The following CR2 variants were observed in gnomAD, a reference collection of about 807,000 sequenced individuals.
The protein encoded by CR2 is complement receptor type 2.
CR2 carries 96 observed loss-of-function variants against 123.0 expected under a neutral mutation model. The ratio of observed to expected loss-of-function variants is 0.78; its 90% confidence interval spans 0.66 to 0.93. The LOEUF (loss-of-function observed/expected upper bound fraction) is 0.93. CR2 is among the 40% of genes least tolerant of loss of function. The pLI, the probability that CR2 is intolerant of heterozygous loss-of-function variation, is 0.00. For missense variants in CR2, 1,258 were observed against 1,361.0 expected, an observed-to-expected ratio of 0.92 and a Z score of 1.19; for synonymous variants, 484 against 469.5, an observed-to-expected ratio of 1.03 and a Z score of -0.40.
chr1:207,479,352 A>G lies in CR2; in HGVS notation c.3112+72A>G, dbSNP rs112684245. The G allele has an allele frequency of 9.4e-5, 98 of 1,047,474 alleles. 2 individuals carry two copies. Among genetic ancestry groups the G allele is most frequent in the African/African-American group, 7.5e-4 (47 of 62,864 alleles). 64.9% of individuals were successfully genotyped at this position (1,047,474 alleles called of 1,614,324 possible). A position where few individuals can be genotyped will look rare whatever the true frequency, so the allele number is the denominator to read the frequency against. ...AAAAATATGTAATGCTAGAGGTCCT[A>G]TATCCTATCTGATGATATATTTAAC... On this transcript the variant is annotated intron_variant, in intron 17 of 19. Transcript: ENST00000367057.
In CR2 at chr1:207,454,364, G is replaced by A. The variant is rs1657772785; in HGVS notation, c.-55G>A. The A allele has an allele frequency of 2.0e-6, 3 of 1,495,166 alleles. No homozygotes were observed. The highest frequency in any genetic ancestry group is 2.7e-6 in the Non-Finnish European group (3 of 1,106,066). The allele number at this position is 1,495,166 out of a possible 1,614,324, so 92.6% of individuals were successfully genotyped here. A position where few individuals can be genotyped will look rare whatever the true frequency, so the allele number is the denominator to read the frequency against. ...GCTCCAGCCTTGCCCTCCCAGAGCTGCCGGACGCTCGCGGGTCTCGGAACG... is the reference window on the plus strand; with the variant it reads ...GCTCCAGCCTTGCCCTCCCAGAGCTACCGGACGCTCGCGGGTCTCGGAACG... On this transcript the variant is annotated 5_prime_UTR_variant, in exon 1 of 20. Coordinates refer to ENST00000367057, the MANE Select transcript of CR2 (RefSeq NM_001006658.3). The surrounding 1 kb of genome is among the most constrained non-coding windows in gnomAD (Gnocchi z 4.3).
rs905410032 is a variant in CR2, at chr1:207,473,739, G to A, written c.2155+18G>A. ...GTGTGAAGGTACTTTAAGTTCCAGA[G>A]TTGTCCTTCTCTTTGATATGAGACA... On this transcript the variant is annotated intron_variant, in intron 11 of 19. Transcript: ENST00000367057. 6.2e-7 allele frequency: 1 copy of A among 1,613,972 alleles called. No individual in the cohort carries two copies. Among genetic ancestry groups the A allele is most frequent in the African/African-American group, 1.3e-5 (1 of 75,036 alleles).
In CR2 at chr1:207,468,791, G is replaced by C. The variant is rs772252200; in HGVS notation, c.635-9G>C. ...GCCATGCATTTCTCATCTTTGGTTT[G>C]TTTTTTAGAGGCACGCTGTAAATCT... On this transcript the variant is annotated splice_polypyrimidine_tract_variant and intron_variant, in intron 3 of 19. Coordinates refer to ENST00000367057, the MANE Select transcript of CR2 (RefSeq NM_001006658.3). 1.9e-6 allele frequency: 3 copies of C among 1,613,988 alleles called. No individual in the cohort carries two copies. Among genetic ancestry groups the C allele is most frequent in the Non-Finnish European group, 2.5e-6 (3 of 1,179,910 alleles).
rs115333561 is a variant in CR2 at position 207,466,983 on chromosome 1, C to T, written c.445+71C>T. ...TTCTGTGCAGACCACGTTTTGTACC[C>T]TCCTGAAGGACAAACAGTGTGAACA... On this transcript the variant is annotated intron_variant, in intron 2 of 19. Coordinates refer to ENST00000367057, the MANE Select transcript of CR2 (RefSeq NM_001006658.3). The T allele has an allele frequency of 5.2e-5, 77 of 1,490,996 alleles. No homozygotes were observed. In the African/African-American group the frequency reaches 1.0e-3, roughly 19 times the overall value. The allele number at this position is 1,490,996 out of a possible 1,614,324, so 92.4% of individuals were successfully genotyped here. A position where few individuals can be genotyped will look rare whatever the true frequency, so the allele number is the denominator to read the frequency against.
intron 1 of CR2, among the ~76,000 whole-genome samples, chr1:207,459,423 G>A (rs1056899116): frequency 1.3e-5 from 2 of 151,878 alleles, no homozygotes; most frequent in African/African-American, 4.8e-5. Flanking sequence ...CAGTATTAAG[G>A]TATTTGATTA....
chr1:207,478,246 AG>A (rs1658497669), intron 16 of CR2, among the ~76,000 whole-genome samples, 176 bp downstream of exon 16: 1 of 152,122 alleles, frequency 6.6e-6, no homozygotes, highest in Admixed American at 6.6e-5. Context: ...CAGCTTGGCC[AG>A]GTCCGTGACT....
intron 10 of CR2, 78 bp from the exon 11 acceptor site, chr1:207,473,467 G>T (rs1219885438): frequency 7.0e-7 from 1 of 1,425,736 alleles, no homozygotes; most frequent in African/African-American, 1.4e-5. Context: ...CAGACTGTCT[G>T]TCCAATGTTG....
chr1:207,478,091 C>T (rs201111875), intron 16 of CR2, 21 bp downstream of exon 16: 197 of 1,610,130 alleles, frequency 1.2e-4, no homozygotes, highest in Non-Finnish European at 3.7e-5. Flanking sequence ...AGGGCTTCAC[C>T]GCCGCTTGTA....
intron 1 of CR2, among the ~76,000 whole-genome samples, chr1:207,456,515 T>C (rs1657839174): frequency 6.6e-6 from 1 of 152,240 alleles, no homozygotes; most frequent in South Asian, 2.1e-4. Flanking sequence ...GCAAAGTCAA[T>C]GGAAGCAAAT....
At chr1:207,487,877 A>C (rs1166710894) in intron 19 of CR2, among the ~76,000 whole-genome samples, 6 of 152,208 alleles carry the variant, frequency 3.9e-5, no homozygotes, top group Admixed American at 3.3e-4. Flanking sequence ...TGTGATGGGG[A>C]GTGAACGTGT....
intron 2 of CR2, among the ~76,000 whole-genome samples, chr1:207,467,501 G>A (rs899179380): frequency 3.3e-5 from 5 of 152,022 alleles, no homozygotes; most frequent in Admixed American, 3.3e-4. Flanking sequence ...TTATGTTGCT[G>A]CTGAAATATA....
chr1:207,454,670 G>A lies in CR2; in HGVS notation c.58+194G>A. ...ATTGTCCCCACTGGCCCCTCCGGGA[G>A]CTGGGACCTCCAGAATTGGAGGCTG... On this transcript the variant is annotated intron_variant, in intron 1 of 19. Transcript: ENST00000367057. The surrounding 1 kb of genome is among the most constrained non-coding windows in gnomAD (Gnocchi z 4.3). 1.9e-6 allele frequency: 1 copy of A among 521,552 alleles called. No homozygotes were observed. The highest frequency in any genetic ancestry group is 2.5e-5 in the South Asian group (1 of 40,022). The allele number at this position is 521,552 out of a possible 1,614,324, so 32.3% of individuals were successfully genotyped here.
intron 19 of CR2, among the ~76,000 whole-genome samples, chr1:207,487,070 T>A (rs2102316440): frequency 6.6e-6 from 1 of 152,284 alleles, no homozygotes; most frequent in Non-Finnish European, 1.5e-5. Context: ...AAGGTCCAAG[T>A]ACTGAGCCCT....
chr1:207,464,260 C>T (rs1048974436), intron 1 of CR2, among the ~76,000 whole-genome samples: 4 of 152,156 alleles, frequency 2.6e-5, no homozygotes, highest in Non-Finnish European at 5.9e-5. Flanking sequence ...TCTTTGAGAT[C>T]AGGATACAGA....
At chr1:207,471,144 G>T (rs145359041) in intron 8 of CR2, 57 bp downstream of exon 8, 22 of 1,530,148 alleles carry the variant, frequency 1.4e-5, no homozygotes, top group African/African-American at 5.5e-5. Flanking sequence ...CACACTGCAG[G>T]CTCTATGTAA....
intron 19 of CR2, among the ~76,000 whole-genome samples, chr1:207,487,822 A>G (rs1297656902): frequency 1.3e-5 from 2 of 152,162 alleles, no homozygotes; most frequent in African/African-American, 2.4e-5. Flanking sequence ...TAGTAACAGG[A>G]GGGAGGGCAG....
chr1:207,485,195 G>A (rs1658715595), intron 18 of CR2, among the ~76,000 whole-genome samples: 1 of 152,208 alleles, frequency 6.6e-6, no homozygotes, highest in Non-Finnish European at 1.5e-5. Flanking sequence ...CACAGGGTTG[G>A]GGGTTAGGGG....
At chr1:207,464,702 A>G (rs2102299269) in intron 1 of CR2, among the ~76,000 whole-genome samples, 1 of 152,264 alleles carries the variant, frequency 6.6e-6, no homozygotes, top group Admixed American at 6.5e-5. Flanking sequence ...GCTTGGTTTT[A>G]CCCTGAAAGG....
intron 19 of CR2, among the ~76,000 whole-genome samples, chr1:207,488,604 CAG>C (rs956055312): frequency 2.0e-5 from 3 of 152,144 alleles, no homozygotes; most frequent in Non-Finnish European, 4.4e-5. Flanking sequence ...AGCCTGCTGA[CAG>C]AGCGAGACTC....
Sources: allele counts gnomAD v4.1 joint callset (sites outside exome capture counted in the v4.1 genomes callset), GRCh38; gene constraint gnomAD v4.1.1; non-coding constraint Gnocchi (gnomAD v3.1); transcripts MANE v1.5; gene names NCBI Gene and HGNC (gene_info 2026-07-23, HGNC 2026-07-21).